Variants in SMG1 observed in about 807,000 individuals in gnomAD.
SMG1 encodes SMG1 nonsense mediated mRNA decay associated PI3K related kinase, also known as serine/threonine-protein kinase SMG1.
In SMG1, 22 loss-of-function variants were observed where a neutral mutation model predicts 419.9. The ratio of observed to expected loss-of-function variants is 0.05; its 90% CI spans 0.04 to 0.07. SMG1 has a LOEUF of 0.07. Ranked by LOEUF, SMG1 falls within the 10% of genes least tolerant of loss-of-function variation. The probability of loss-of-function intolerance (pLI) is 1.00; values close to 1 mark genes in which losing one functional copy is unlikely to be tolerated. For synonymous variants in SMG1, 1,538 were observed against 1,553.5 expected (o/e 0.99, Z 0.23); for missense variants, 3,185 against 4,342.0 (o/e 0.73, Z 7.49).
intron 49 of SMG1, 35 bp downstream of exon 49, chr16:18,834,857 C>G (rs972982817): frequency 6.3e-7 from 1 of 1,592,934 alleles, no homozygotes; most frequent in African/African-American, 1.3e-5. Context: ...AAATAAGACA[C>G]AGGAAATGGT....
In SMG1 at chr16:18,857,194, T is replaced by A. The variant is rs922417146; in HGVS notation, c.4234+976A>T. Reference sequence around the variant, plus strand: ...TCCCTATCTTGGCTGTTAGCTTACATTGACATTTAACACTCAAATTTACTC... The same window carrying A: ...TCCCTATCTTGGCTGTTAGCTTACAATGACATTTAACACTCAAATTTACTC... On this transcript the variant is annotated intron_variant, in intron 29 of 62. Transcript: ENST00000446231. 2.0e-5 allele frequency: 3 copies of A among 152,224 alleles called. No homozygotes were observed. The East Asian group carries it at 5.8e-4, about 29-fold the overall frequency. 9.4% of individuals were successfully genotyped at this position (152,224 alleles called of 1,614,324 possible). A position where few individuals can be genotyped will look rare whatever the true frequency, so the allele number is the denominator to read the frequency against.
intron 1 of SMG1, among the ~76,000 whole-genome samples, chr16:18,908,182 ATGG>A (rs1187307213): frequency 6.6e-6 from 1 of 151,994 alleles, no homozygotes; most frequent in Non-Finnish European, 1.5e-5. Context: ...CCTGGCCAAC[ATGG>A]TGAAACCCAG....
chr16:18,919,634 ATG>A (rs377359517), intron 1 of SMG1, among the ~76,000 whole-genome samples: 55 of 124,634 alleles, frequency 4.4e-4, no homozygotes, highest in East Asian at 1.2e-3. Context: ...AAAAAAAAAA[ATG>A]TGTGTGTGTG....
At chr16:18,837,568 C>T (rs2033654863) in intron 45 of SMG1, 125 bp from the exon 46 acceptor site, 2 of 759,736 alleles carry the variant, frequency 2.6e-6, no homozygotes, top group Non-Finnish European at 4.2e-6. Flanking sequence ...TGATGCGTTG[C>T]CTCCACTGTA....
Position 18,829,366 on chromosome 16 carries a change from A to C in SMG1, c.9523T>G (p.Leu3175Val). The C allele has an allele frequency of 6.2e-7, 1 of 1,614,046 alleles. No homozygotes were observed. The highest frequency in any genetic ancestry group is 1.1e-5 in the South Asian group (1 of 91,082). Residue 3175 changes from leucine (L) to valine (V), a missense_variant, in exon 54 of 63, where the codon TTG becomes GTG. By Grantham distance (32) the Leu-to-Val change is conservative. Coordinates refer to ENST00000446231, the MANE Select transcript of SMG1 (RefSeq NM_015092.5). Reference protein sequence around the residue: ...SYDTAWKKHDLVRRLETSISS... With the variant: ...SYDTAWKKHDVVRRLETSISS... The stretch of plus-strand genomic sequence containing the variant: ...ATACTGGTTTCTAGCCTTCGCACCA[A>C]GTCATGCTTCTTCCAGGCAGTGTCG...
intron 13 of SMG1, among the ~76,000 whole-genome samples, chr16:18,874,579 AAGC>A (rs2036000938): frequency 6.8e-6 from 1 of 148,026 alleles, no homozygotes; most frequent in East Asian, 2.0e-4. Flanking sequence ...AAAAAAAAAA[AAGC>A]AGGCTGGGCG....
intron 1 of SMG1, among the ~76,000 whole-genome samples, chr16:18,906,476 G>A (rs8047949): frequency 0.07 from 10,638 of 152,024 alleles, 381 homozygotes; most frequent in African/African-American, 0.094. Flanking sequence ...TAATAAGAGC[G>A]AAACTCCGTC....
intron 1 of SMG1, among the ~76,000 whole-genome samples, chr16:18,902,990 AT>A (rs966134270): frequency 7.9e-5 from 12 of 151,436 alleles, no homozygotes; most frequent in African/African-American, 2.4e-4. Flanking sequence ...CAACTTTTGT[AT>A]TTTTTTTGTC....
Position 18,849,473 on chromosome 16 carries a change from T to C in SMG1, c.5462-95A>G, listed in dbSNP as rs980676480. On this transcript the variant is annotated intron_variant, in intron 35 of 62. Transcript: ENST00000446231. ...GATCAAACAGATAAAACGTGATGTG[T>C]GTCGGCATTAGTACGGATTTTAAGA... The C allele has an allele frequency of 2.9e-5, 35 of 1,195,624 alleles. No homozygotes were observed. In the African/African-American group the frequency reaches 4.4e-4, roughly 15 times the overall value. 74.1% of individuals were successfully genotyped at this position (1,195,624 alleles called of 1,614,324 possible).
chr16:18,827,911 T>A, intron 55 of SMG1, 120 bp downstream of exon 55: 1 of 893,550 alleles, frequency 1.1e-6, no homozygotes, highest in Middle Eastern at 2.6e-4. Flanking sequence ...AATTATGCTC[T>A]TCTGGCTTAC....
chr16:18,812,741 T>C (rs1409440402), intron 60 of SMG1, among the ~76,000 whole-genome samples: 1 of 152,124 alleles, frequency 6.6e-6, no homozygotes, highest in African/African-American at 2.4e-5. Flanking sequence ...TGCATATGTA[T>C]ACATGTGCCA....
chr16:18,850,457 A>G lies in SMG1; in HGVS notation c.5063T>C (p.Ile1688Thr), dbSNP rs765202765. The G allele has an allele frequency of 9.3e-6, 15 of 1,609,438 alleles. No homozygotes were observed. Among genetic ancestry groups the G allele is most frequent in the South Asian group, 5.5e-5 (5 of 90,882 alleles). The change falls in exon 34 of 63, where the codon ATA becomes ACA. Residue 1688 changes from isoleucine to threonine, a missense_variant. Around this residue, in one of 27 missense-constraint regions of SMG1, gnomAD observed 493 missense variants for 552.9 expected, o/e 0.89. Transcript: ENST00000446231. Reference protein sequence around the residue: ...CRPAGIQDEDITLQITESEDN... With the variant: ...CRPAGIQDEDTTLQITESEDN... The stretch of plus-strand genomic sequence containing the variant: ...TTCACTCTCAGTTATCTGAAGTGTT[A>G]TATCTTCATCCTGAAGAAAAATTGT...
At chr16:18,852,033 A>G (rs1304284319) in intron 33 of SMG1, 34 bp downstream of exon 33, 4 of 1,564,748 alleles carry the variant, frequency 2.6e-6, no homozygotes, top group Admixed American at 3.9e-5. Context: ...GATTTGGAGT[A>G]GCAATCTTGC....
At chr16:18,815,130 T>G (rs761729255) in intron 60 of SMG1, 45 bp downstream of exon 60, 3 of 1,169,666 alleles carry the variant, frequency 2.6e-6, no homozygotes, top group Non-Finnish European at 3.7e-6. Flanking sequence ...TTAGCATCTA[T>G]GTGTAACATT....
At position 18,809,230 on chromosome 16, in the gene SMG1, C is replaced by A. The variant is rs776985381; in HGVS notation, c.*339G>T. ...GGTCAGGTGGAATGGAGTTCCAAAT[C>A]ACTCTGTGCTCCGCGGCATCCCGAT... is the stretch of plus-strand genomic sequence containing the variant. On this transcript the variant is annotated 3_prime_UTR_variant, in exon 63 of 63. Coordinates refer to ENST00000446231, the MANE Select transcript of SMG1 (RefSeq NM_015092.5). 26 of 242,462 alleles carry A rather than the reference C, an allele frequency of 1.1e-4. No homozygotes were observed. The highest frequency in any genetic ancestry group is 2.1e-4 in the Non-Finnish European group (25 of 120,696). 15.0% of individuals were successfully genotyped at this position (242,462 alleles called of 1,614,324 possible).
At chr16:18,909,302 A>C (rs1567455409) in intron 1 of SMG1, among the ~76,000 whole-genome samples, 2 of 152,130 alleles carry the variant, frequency 1.3e-5, no homozygotes, top group Non-Finnish European at 2.9e-5. Context: ...AGACGGCGTC[A>C]TTGCACTCCA....
rs543289735 is a variant in SMG1 at position 18,842,111 on chromosome 16, C to T, written c.6466+97G>A. On this transcript the variant is annotated intron_variant, in intron 40 of 62. Coordinates refer to ENST00000446231, the MANE Select transcript of SMG1 (RefSeq NM_015092.5). Reference sequence around the variant, plus strand: ...AGGCTAATAATGACATACAGAAATTCGCCTGAAATAATCTCCTACTATACA... The same window carrying T: ...AGGCTAATAATGACATACAGAAATTTGCCTGAAATAATCTCCTACTATACA... The T allele has an allele frequency of 1.2e-5, 16 of 1,298,084 alleles. No homozygotes were observed. In the East Asian group the frequency reaches 1.3e-4, roughly 10 times the overall value. The allele number at this position is 1,298,084 out of a possible 1,614,324, so 80.4% of individuals were successfully genotyped here.
intron 1 of SMG1, among the ~76,000 whole-genome samples, chr16:18,910,761 T>C (rs564066522): frequency 3.3e-5 from 5 of 152,230 alleles, no homozygotes; most frequent in Non-Finnish European, 7.4e-5. Flanking sequence ...CCTCAAGTAC[T>C]TAAAACTATC....
rs993034992 is a variant in SMG1, at chr16:18,863,995, C to A, written c.3493+7G>T. ...TTTTGCTTTATTTAAAAATACTGAACGCTCACCATTCAGAGAATGTTTCGG... is the reference window on the plus strand; with the variant it reads ...TTTTGCTTTATTTAAAAATACTGAAAGCTCACCATTCAGAGAATGTTTCGG... On this transcript the variant is annotated splice_region_variant and intron_variant, in intron 24 of 62. Transcript: ENST00000446231. 6 of 1,549,556 alleles carry A rather than the reference C, an allele frequency of 3.9e-6. No homozygotes were observed. The highest frequency in any genetic ancestry group is 5.2e-6 in the Non-Finnish European group (6 of 1,146,874).
Sources: gnomAD v4.1 joint callset for allele counts (sites outside exome capture counted in the v4.1 genomes callset) on GRCh38, gnomAD v4.1.1 for gene constraint, gnomAD v4.1.1 regional missense constraint, MANE v1.5 for transcripts, NCBI Gene and HGNC (gene_info 2026-07-23, HGNC 2026-07-21) for gene names.